Variants in DYNC2I1 observed in about 807,000 individuals in gnomAD.
DYNC2I1 encodes cytoplasmic dynein 2 intermediate chain 1.
DYNC2I1 carries 89 observed loss-of-function variants against 133.4 expected under a neutral mutation model. The observed-to-expected ratio is 0.67, with a 90% CI of 0.56 to 0.80. DYNC2I1 has a LOEUF of 0.80. Ranked by LOEUF, DYNC2I1 falls within the 30% of genes least tolerant of loss-of-function variation. The pLI, the probability that DYNC2I1 is intolerant of heterozygous loss-of-function variation, is 0.00. For synonymous variants in DYNC2I1, 504 were observed against 484.3 expected (o/e 1.04, Z -0.54); for missense variants, 1,291 against 1,314.5 (o/e 0.98, Z 0.28).
At chr7:158,913,380 A>G (rs1847685126) in intron 13 of DYNC2I1, among the ~76,000 whole-genome samples, 1 of 152,118 alleles carries the variant, frequency 6.6e-6, no homozygotes, top group Admixed American at 6.5e-5. Context: ...GAGATTCCAC[A>G]TTCCAAACAA....
chr7:158,909,330 CAAAAAAAAAAAA>C (rs66565045), intron 11 of DYNC2I1, among the ~76,000 whole-genome samples: 2 of 46,728 alleles, frequency 4.3e-5, no homozygotes, highest in Non-Finnish European at 4.9e-5. Flanking sequence ...GACTCTGTCT[CAAAAAAAAAAAA>C]AAAAAAAAAA....
At chr7:158,873,219 G>C (rs899013621) in intron 3 of DYNC2I1, among the ~76,000 whole-genome samples, 2 of 152,008 alleles carry the variant, frequency 1.3e-5, no homozygotes, top group African/African-American at 4.8e-5. Flanking sequence ...AGTATTTTTT[G>C]GTTATATAGG....
At chr7:158,938,299 A>G (rs1850971150) in intron 23 of DYNC2I1, among the ~76,000 whole-genome samples, 1 of 152,254 alleles carries the variant, frequency 6.6e-6, no homozygotes, top group Non-Finnish European at 1.5e-5. Flanking sequence ...CATACAGGCC[A>G]GGAGGGAGTA....
At chr7:158,886,768 T>C (rs1844649019) in intron 6 of DYNC2I1, among the ~76,000 whole-genome samples, 3 of 152,114 alleles carry the variant, frequency 2.0e-5, no homozygotes, top group African/African-American at 7.2e-5. Flanking sequence ...CATGCCAGGC[T>C]AATTTTTTAT....
intron 4 of DYNC2I1, among the ~76,000 whole-genome samples, chr7:158,954,712 T>G (rs262145): frequency 0.61 from 92,485 of 152,182 alleles, 29,119 homozygotes; most frequent in Non-Finnish European, 0.7. Flanking sequence ...ACAACTGAAA[T>G]TATATTAAAA....
intron 3 of DYNC2I1, among the ~76,000 whole-genome samples, chr7:158,874,944 ACAAG>A (rs1006823555): frequency 1.9e-4 from 29 of 152,104 alleles, no homozygotes; most frequent in African/African-American, 6.3e-4. Context: ...TCCTGAGGTC[ACAAG>A]ACCTGGGATA....
At chr7:158,867,488 T>C (rs1206347396) in intron 1 of DYNC2I1, among the ~76,000 whole-genome samples, 1 of 152,174 alleles carries the variant, frequency 6.6e-6, no homozygotes, top group African/African-American at 2.4e-5. Flanking sequence ...GCGGATCTTG[T>C]AGGAATCACT....
chr7:158,879,199 A>G (rs1401630803), intron 4 of DYNC2I1, among the ~76,000 whole-genome samples: 2 of 152,098 alleles, frequency 1.3e-5, no homozygotes, highest in East Asian at 1.9e-4. Context: ...CACAAGGGTA[A>G]CAGATTAAGT....
At chr7:158,906,374 C>G (rs1199712717) in intron 11 of DYNC2I1, among the ~76,000 whole-genome samples, 1 of 151,934 alleles carries the variant, frequency 6.6e-6, no homozygotes, top group African/African-American at 2.4e-5. Flanking sequence ...ATTTAGAAAT[C>G]TATAAAAGAT....
chr7:158,886,806 G>A (rs879665518), intron 6 of DYNC2I1, among the ~76,000 whole-genome samples: 9 of 152,080 alleles, frequency 5.9e-5, no homozygotes, highest in Admixed American at 5.9e-4. Context: ...CTACTCTGTT[G>A]CCCAGGCTGG....
the DYNC2I1 span, among the ~76,000 whole-genome samples, chr7:158,847,605 T>A: frequency 6.6e-6 from 1 of 152,176 alleles, no homozygotes; most frequent in Non-Finnish European, 1.5e-5. Flanking sequence ...GCTCACTGAA[T>A]GCATAAGGGA....
At chr7:158,947,209 C>T (rs930304957), downstream of DYNC2I1, among the ~76,000 whole-genome samples, 7 of 152,076 alleles carry the variant, frequency 4.6e-5, no homozygotes, top group African/African-American at 9.7e-5. Context: ...TGGACAGGCA[C>T]GCGGCCTCTC....
chr7:158,861,355 C>T (rs1433149984), intron 1 of DYNC2I1, among the ~76,000 whole-genome samples: 1 of 152,178 alleles, frequency 6.6e-6, no homozygotes, highest in Non-Finnish European at 1.5e-5. Context: ...CACTGACCAG[C>T]CTTTGTAATT....
At chr7:158,943,263 C>CA (rs1851553153) in intron 24 of DYNC2I1, among the ~76,000 whole-genome samples, 1 of 152,212 alleles carries the variant, frequency 6.6e-6, no homozygotes, top group Non-Finnish European at 1.5e-5. Flanking sequence ...AACACACCTG[C>CA]AGTTTATTAT....
chr7:158,951,684 C>T (rs1852056486), intron 4 of DYNC2I1, among the ~76,000 whole-genome samples: 1 of 152,192 alleles, frequency 6.6e-6, no homozygotes, highest in Non-Finnish European at 1.5e-5. Context: ...TCTTCCCGGG[C>T]TCCTCTGAGT....
At chr7:158,950,194 C>A (rs1487592956), downstream of DYNC2I1, among the ~76,000 whole-genome samples, 2 of 152,186 alleles carry the variant, frequency 1.3e-5, no homozygotes, top group Non-Finnish European at 2.9e-5. Context: ...CTCCCAAGTA[C>A]CTGGGATGAC....
At chr7:158,883,257 G>T (rs183281469) in intron 5 of DYNC2I1, among the ~76,000 whole-genome samples, 1 of 142,670 alleles carries the variant, frequency 7.0e-6, no homozygotes, top group African/African-American at 2.6e-5. Flanking sequence ...TCACTGTATC[G>T]CCCAGGCCAG....
At chr7:158,929,092 C>T (rs1849928229) in intron 20 of DYNC2I1, among the ~76,000 whole-genome samples, 1 of 152,208 alleles carries the variant, frequency 6.6e-6, no homozygotes, top group African/African-American at 2.4e-5. Context: ...TAAAAACACC[C>T]TTTCTTCACT....
chr7:158,888,844 C>T (rs956457050), intron 7 of DYNC2I1, among the ~76,000 whole-genome samples: 7 of 152,054 alleles, frequency 4.6e-5, no homozygotes, highest in Admixed American at 4.6e-4. Flanking sequence ...TTAGGTCATA[C>T]AGCACCTGTT....
Sources: gnomAD v4.1 joint callset for allele counts (sites outside exome capture counted in the v4.1 genomes callset) on GRCh38, gnomAD v4.1.1 for gene constraint, MANE v1.5 for transcripts, NCBI Gene and HGNC (gene_info 2026-07-23, HGNC 2026-07-21) for gene names.